ARHGAP15: variants seen among roughly 807,000 people sequenced by gnomAD.
ARHGAP15 encodes Rho GTPase activating protein 15.
In ARHGAP15, 51 loss-of-function variants were observed where a neutral mutation model predicts 63.7. That is an observed-to-expected ratio of 0.80 (90% CI 0.64 to 1.01). The LOEUF is 1.01. ARHGAP15 is among the 50% of genes least tolerant of loss of function. The pLI, the probability that ARHGAP15 is intolerant of heterozygous loss-of-function variation, is 0.00. For synonymous variants in ARHGAP15, 191 were observed against 193.8 expected, an observed-to-expected ratio of 0.99 and a Z score of 0.12; for missense variants, 560 against 564.6, an observed-to-expected ratio of 0.99 and a Z score of 0.08.
chr2:143,624,026 G>A, intron 11 of ARHGAP15, 107 bp from the exon 12 acceptor site: 1 of 1,352,706 alleles, frequency 7.4e-7, no homozygotes, highest in Non-Finnish European at 1.0e-6. Context: ...GGTGCAGAAG[G>A]CTGTTAACGG....
chr2:143,184,219 G>A (rs765316282), intron 2 of ARHGAP15, among the ~76,000 whole-genome samples: 4 of 152,308 alleles, frequency 2.6e-5, no homozygotes, highest in Admixed American at 1.3e-4. Flanking sequence ...AAGGACAAGT[G>A]CCTTTAGCAT....
chr2:143,197,006 T>C (rs978894562), intron 2 of ARHGAP15, among the ~76,000 whole-genome samples: 1 of 151,942 alleles, frequency 6.6e-6, no homozygotes, highest in African/African-American at 2.4e-5. Flanking sequence ...GCAAAAAGGA[T>C]TGAAGATCAA....
At chr2:143,250,379 T>G (rs1402312400) in intron 5 of ARHGAP15, 132 bp from the exon 6 acceptor site, 2 of 535,356 alleles carry the variant, frequency 3.7e-6, no homozygotes, top group Non-Finnish European at 6.2e-6. Context: ...CAAATTAGGT[T>G]TCCCCTGGGG....
intron 10 of ARHGAP15, among the ~76,000 whole-genome samples, chr2:143,542,277 C>A (rs1375606657): frequency 6.6e-6 from 1 of 152,152 alleles, no homozygotes; most frequent in Non-Finnish European, 1.5e-5. Context: ...CCATCTGTCA[C>A]CCCTTTCTTT....
At chr2:143,212,167 A>G (rs1397218798) in intron 3 of ARHGAP15, among the ~76,000 whole-genome samples, 1 of 152,206 alleles carries the variant, frequency 6.6e-6, no homozygotes, top group Non-Finnish European at 1.5e-5. Context: ...GTGTATGTAC[A>G]GTTAACACAC....
intron 12 of ARHGAP15, among the ~76,000 whole-genome samples, chr2:143,673,784 AAACAACTCC>A (rs1682690010): frequency 9.6e-5 from 11 of 114,134 alleles, no homozygotes; most frequent in African/African-American, 3.1e-4. Context: ...ATATATATAT[AAACAACTCC>A]TGCAAATTCA....
At chr2:143,651,055 C>A (rs879857392) in intron 12 of ARHGAP15, among the ~76,000 whole-genome samples, 12 of 151,930 alleles carry the variant, frequency 7.9e-5, no homozygotes, top group Non-Finnish European at 1.3e-4. Context: ...TTGTGATCAG[C>A]AGAAAAAGTC....
chr2:143,750,873 A>G (rs1050587727), intron 13 of ARHGAP15, among the ~76,000 whole-genome samples: 1 of 152,224 alleles, frequency 6.6e-6, no homozygotes. Context: ...TACTATACAG[A>G]TATAGCGTGA....
chr2:143,662,113 G>C (rs1362029739), intron 12 of ARHGAP15, among the ~76,000 whole-genome samples: 1 of 152,238 alleles, frequency 6.6e-6, no homozygotes, highest in Non-Finnish European at 1.5e-5. Flanking sequence ...CACCTCTGGG[G>C]GCAGGGCACA....
chr2:143,152,434 T>C (rs1268855452), intron 1 of ARHGAP15, among the ~76,000 whole-genome samples: 1 of 151,908 alleles, frequency 6.6e-6, no homozygotes, highest in African/African-American at 2.4e-5. Flanking sequence ...TCCACCTGAG[T>C]TTAATGCCAT....
chr2:143,468,220 A>C (rs1453726002), intron 8 of ARHGAP15, among the ~76,000 whole-genome samples: 1 of 151,788 alleles, frequency 6.6e-6, no homozygotes, highest in Non-Finnish European at 1.5e-5. Context: ...CATCTTATTC[A>C]TCATATTTAA....
chr2:143,412,170 G>A (rs924430012), intron 6 of ARHGAP15, among the ~76,000 whole-genome samples: 1 of 152,108 alleles, frequency 6.6e-6, no homozygotes, highest in Non-Finnish European at 1.5e-5. Context: ...GAGTGTAAAG[G>A]GTTAGGAACG....
chr2:143,469,957 C>CTT (rs1553485589), intron 8 of ARHGAP15, among the ~76,000 whole-genome samples: 1 of 150,918 alleles, frequency 6.6e-6, no homozygotes, highest in Non-Finnish European at 1.5e-5. Flanking sequence ...CACTCTCTCT[C>CTT]TTTTTTTTTC....
At chr2:143,243,055 A>G (rs963012790) in intron 5 of ARHGAP15, among the ~76,000 whole-genome samples, 2 of 152,216 alleles carry the variant, frequency 1.3e-5, no homozygotes, top group African/African-American at 4.8e-5. Context: ...ATCTAGTAAT[A>G]AGGGTAAGAG....
In ARHGAP15 at chr2:143,516,760, T is replaced by C. The variant is rs148530997; in HGVS notation, c.827-2506T>C. On this transcript the variant is annotated intron_variant, in intron 9 of 13. Transcript: ENST00000295095. ...GGTTATTTTTTCCTAGATAATATTT[T>C]ATGTCATTCTTTCTTGGAGTGGTTA... Among the ~76,000 whole-genome samples the C allele has an allele frequency of 1.4e-4, 21 of 152,362 alleles. No homozygotes were observed. The East Asian group carries it at 4.0e-3, about 29-fold the overall frequency.
intron 13 of ARHGAP15, among the ~76,000 whole-genome samples, chr2:143,731,940 T>C (rs1335107348): frequency 3.9e-5 from 6 of 152,166 alleles, no homozygotes; most frequent in Admixed American, 3.3e-4. Context: ...CTAAAAGTGA[T>C]GGGGTCAGTA....
chr2:143,605,858 CAA>C (rs373847590), intron 11 of ARHGAP15, among the ~76,000 whole-genome samples: 5 of 85,310 alleles, frequency 5.9e-5, no homozygotes, highest in Admixed American at 4.7e-4. Flanking sequence ...TACTAAAATA[CAA>C]AAAAAAAAAA....
At chr2:143,390,294 C>T (rs1000325020) in intron 6 of ARHGAP15, among the ~76,000 whole-genome samples, 3 of 152,102 alleles carry the variant, frequency 2.0e-5, no homozygotes, top group Admixed American at 1.3e-4. Flanking sequence ...TCCTTTTAGA[C>T]GTTATTTTAT....
chr2:143,569,350 A>G (rs760246720), intron 11 of ARHGAP15, among the ~76,000 whole-genome samples: 6 of 152,214 alleles, frequency 3.9e-5, no homozygotes, highest in Non-Finnish European at 7.3e-5. Context: ...ATTTCAGATG[A>G]TATCAGAAAT....
Sources: allele counts gnomAD v4.1 joint callset (sites outside exome capture counted in the v4.1 genomes callset), GRCh38; gene constraint gnomAD v4.1.1; transcripts MANE v1.5; gene names NCBI Gene and HGNC (gene_info 2026-07-23, HGNC 2026-07-21).